The following AGPAT4 variants were observed in gnomAD, a reference collection of about 807,000 sequenced individuals.
The protein encoded by AGPAT4 is 1-acyl-sn-glycerol-3-phosphate acyltransferase delta.
A neutral mutation model predicts 48.0 loss-of-function variants in AGPAT4; 15 were observed. The observed-to-expected ratio is 0.31, with a 90% CI of 0.21 to 0.48. AGPAT4 has a LOEUF of 0.48. Among genes scored for constraint, AGPAT4 ranks in the 20% least tolerant of loss-of-function variants. AGPAT4 has a pLI of 0.99. For synonymous variants in AGPAT4, 178 were observed against 198.7 expected, an observed-to-expected ratio of 0.90 and a Z score of 0.88; for missense variants, 314 against 482.5, an observed-to-expected ratio of 0.65 and a Z score of 3.27.
In AGPAT4 at chr6:161,219,141, A is replaced by G. The variant is rs542160277; in HGVS notation, c.178+12895T>C. On this transcript the variant is annotated intron_variant, in intron 2 of 8. Coordinates refer to ENST00000320285, the MANE Select transcript of AGPAT4 (RefSeq NM_020133.3). The surrounding 1 kb of genome is among the most constrained non-coding windows in gnomAD (Gnocchi z 4.9). The stretch of plus-strand genomic sequence containing the variant: ...TCCTTGCTTTAGAGCTTGTTTTCAT[A>G]AAACTATTTCCCCCTTACTTTAAGT... Among the ~76,000 whole-genome samples the G allele has an allele frequency of 6.6e-6, 1 of 152,308 alleles. No homozygotes were observed. Among genetic ancestry groups the G allele is most frequent in the African/African-American group, 2.4e-5 (1 of 41,562 alleles).
At position 161,217,210 on chromosome 6, in the gene AGPAT4, G is replaced by A. The variant is rs1419511169; in HGVS notation, c.178+14826C>T. On this transcript the variant is annotated intron_variant, in intron 2 of 8. Transcript: ENST00000320285. This position sits in a 1 kb window ranked among gnomAD's most constrained non-coding sequence, Gnocchi z 4.9. Reference sequence around the variant, plus strand: ...AGGACAGGGGAACACCGGAGAACTCGGTCATCCGCTTGGGAGCCAGGGACA... The same window carrying A: ...AGGACAGGGGAACACCGGAGAACTCAGTCATCCGCTTGGGAGCCAGGGACA... 1.3e-5 allele frequency among the ~76,000 whole-genome samples: 2 copies of A among 152,222 alleles called. No individual in the cohort carries two copies. The highest frequency in any genetic ancestry group is 1.5e-5 in the Non-Finnish European group (1 of 68,042).
At chr6:161,241,263 CAAAAAAAAAAA>C (rs61634719) in intron 1 of AGPAT4, among the ~76,000 whole-genome samples, 20 of 90,502 alleles carry the variant, frequency 2.2e-4, no homozygotes, top group African/African-American at 6.2e-4. Context: ...AACTCTGTCT[CAAAAAAAAAAA>C]AAAAAAAAAA....
chr6:161,182,280 C>A (rs1310352272), intron 2 of AGPAT4, among the ~76,000 whole-genome samples: 1 of 149,306 alleles, frequency 6.7e-6, no homozygotes, highest in African/African-American at 2.5e-5. Context: ...CTCATCCCAG[C>A]ACCTCATCCC....
rs1781674380 is a variant in AGPAT4 at position 161,217,284 on chromosome 6, TG to T, written c.178+14751del. On this transcript the variant is annotated intron_variant, in intron 2 of 8. Transcript: ENST00000320285. This position sits in a 1 kb window ranked among gnomAD's most constrained non-coding sequence, Gnocchi z 4.9. ...TGGGTCAGAACTGGGCTCCCATCAATGCCTGGTACATGGTAACAGAAGGTGC... is the reference window on the plus strand; with the variant it reads ...TGGGTCAGAACTGGGCTCCCATCAATCCTGGTACATGGTAACAGAAGGTGC... Among the ~76,000 whole-genome samples the T allele has an allele frequency of 6.6e-6, 1 of 152,184 alleles. No homozygotes were observed. Among genetic ancestry groups the T allele is most frequent in the Non-Finnish European group, 1.5e-5 (1 of 68,030 alleles).
In AGPAT4 at chr6:161,211,583, C is replaced by T. The variant is rs544218675; in HGVS notation, c.178+20453G>A. Among the ~76,000 whole-genome samples the T allele has an allele frequency of 2.0e-3, 300 of 151,908 alleles. 1 individual carries two copies. The highest frequency in any genetic ancestry group is 6.9e-3 in the African/African-American group (287 of 41,438). On this transcript the variant is annotated intron_variant, in intron 2 of 8. Transcript: ENST00000320285. Reference sequence around the variant, plus strand: ...GGACGTTCAGGACAAACTAGAAAGTCCAAGCATGTCATGAACAGTCTGTGT... The same window carrying T: ...GGACGTTCAGGACAAACTAGAAAGTTCAAGCATGTCATGAACAGTCTGTGT...
In AGPAT4 at chr6:161,261,003, C is replaced by T. The variant is rs117955376; in HGVS notation, c.-90+12935G>A. ...GAGTGCACACTGAACCACGTCTTCG[C>T]CTTCTAGAATTTCCTGAGCAGGGCT... On this transcript the variant is annotated intron_variant, in intron 1 of 8. Coordinates refer to ENST00000320285, the MANE Select transcript of AGPAT4 (RefSeq NM_020133.3). The surrounding 1 kb of genome is among the most constrained non-coding windows in gnomAD (Gnocchi z 5.3). 6.6e-6 allele frequency among the ~76,000 whole-genome samples: 1 copy of T among 152,354 alleles called. No individual in the cohort carries two copies. The highest frequency in any genetic ancestry group is 1.9e-4 in the East Asian group (1 of 5,188).
In AGPAT4 at chr6:161,266,776, A is replaced by G. The variant is rs920881589; in HGVS notation, c.-90+7162T>C. ...CTGCTGATGGCTGCAGTATCCTGGG[A>G]AGAAGATGTGCTTGCATAGACAGAT... On this transcript the variant is annotated intron_variant, in intron 1 of 8. Transcript: ENST00000320285. The surrounding 1 kb of genome is among the most constrained non-coding windows in gnomAD (Gnocchi z 6.2). 1.3e-5 allele frequency among the ~76,000 whole-genome samples: 2 copies of G among 152,198 alleles called. No individual in the cohort carries two copies. Among genetic ancestry groups the G allele is most frequent in the Non-Finnish European group, 2.9e-5 (2 of 68,044 alleles).
At position 161,244,924 on chromosome 6, in the gene AGPAT4, A is replaced by C. The variant is rs1782608622; in HGVS notation, c.-89-12622T>G. On this transcript the variant is annotated intron_variant, in intron 1 of 8. Coordinates refer to ENST00000320285, the MANE Select transcript of AGPAT4 (RefSeq NM_020133.3). The surrounding 1 kb of genome is among the most constrained non-coding windows in gnomAD (Gnocchi z 4.7). ...CCCAGTGTCAGAGACAGGCTATCTC[A>C]GAAAACCAAGGAGATGCGAAGTGAT... Among the ~76,000 whole-genome samples the C allele has an allele frequency of 6.6e-6, 1 of 152,244 alleles. No homozygotes were observed. Among genetic ancestry groups the C allele is most frequent in the Admixed American group, 6.5e-5 (1 of 15,288 alleles).
rs1454910809 is a variant in AGPAT4 at position 161,216,160 on chromosome 6, C to CAG, written c.178+15875_178+15876insCT. ...TTCATAGTCTGACAAAGGAGACTAA[C>CAG]ACTCTTAGACACAAATACAAGTTGG... On this transcript the variant is annotated intron_variant, in intron 2 of 8. Transcript: ENST00000320285. The surrounding 1 kb of genome is among the most constrained non-coding windows in gnomAD (Gnocchi z 4.8). Among the ~76,000 whole-genome samples, 1 of 152,238 alleles carries CAG rather than the reference C, an allele frequency of 6.6e-6. No homozygotes were observed. Among genetic ancestry groups the CAG allele is most frequent in the African/African-American group, 2.4e-5 (1 of 41,466 alleles).
chr6:161,249,837 C>A lies in AGPAT4; in HGVS notation c.-89-17535G>T, dbSNP rs1782759108. On this transcript the variant is annotated intron_variant, in intron 1 of 8. Coordinates refer to ENST00000320285, the MANE Select transcript of AGPAT4 (RefSeq NM_020133.3). The surrounding 1 kb of genome is among the most constrained non-coding windows in gnomAD (Gnocchi z 6.2). ...TACACCCAAAGGAATATAAATCGTT[C>A]TATCATAAAGACACATGCACGCTTA... is the stretch of plus-strand genomic sequence containing the variant. Among the ~76,000 whole-genome samples, 1 of 152,176 alleles carries A rather than the reference C, an allele frequency of 6.6e-6. No homozygotes were observed. Among genetic ancestry groups the A allele is most frequent in the South Asian group, 2.1e-4 (1 of 4,820 alleles).
chr6:161,260,801 C>T (rs1367185867), intron 1 of AGPAT4, among the ~76,000 whole-genome samples: 6 of 151,888 alleles, frequency 4.0e-5, no homozygotes, highest in East Asian at 3.9e-4. Context: ...AGGCAGGTGG[C>T]TCACTTGAGC....
rs992380200 is a variant in AGPAT4 at position 161,221,385 on chromosome 6, G to A, written c.178+10651C>T. Among the ~76,000 whole-genome samples, 23 of 152,086 alleles carry A rather than the reference G, an allele frequency of 1.5e-4. No individual in the cohort carries two copies. The highest frequency in any genetic ancestry group is 3.1e-4 in the Non-Finnish European group (21 of 68,026). On this transcript the variant is annotated intron_variant, in intron 2 of 8. Transcript: ENST00000320285. The surrounding 1 kb of genome is among the most constrained non-coding windows in gnomAD (Gnocchi z 4.5). ...GTGGGAAAAAGGATTTCTTGGCCTC[G>A]TCCATGGATAAAAGCAAGGTATTTT...
At chr6:161,227,861 G>C (rs1328661252) in intron 2 of AGPAT4, among the ~76,000 whole-genome samples, 1 of 135,888 alleles carries the variant, frequency 7.4e-6, no homozygotes, top group Non-Finnish European at 1.6e-5. Context: ...CACTCATCAA[G>C]TGTGGGATGC....
chr6:161,165,845 A>T lies in AGPAT4; in HGVS notation c.348+403T>A, dbSNP rs184475489. 3.2e-5 allele frequency: 19 copies of T among 588,884 alleles called. No individual in the cohort carries two copies. The highest frequency in any genetic ancestry group is 9.4e-4 in the Middle Eastern group (2 of 2,124). The allele number at this position is 588,884 out of a possible 1,614,324, so 36.5% of individuals were successfully genotyped here. A position where few individuals can be genotyped will look rare whatever the true frequency, so the allele number is the denominator to read the frequency against. ...AGAGGTGATGTCTGCCTGTTAGCCA[A>T]GGAGGCAGTAGAGCATGGAATTAAG... is the stretch of plus-strand genomic sequence containing the variant. On this transcript the variant is annotated intron_variant, in intron 3 of 8. Coordinates refer to ENST00000320285, the MANE Select transcript of AGPAT4 (RefSeq NM_020133.3). The surrounding 1 kb of genome is among the most constrained non-coding windows in gnomAD (Gnocchi z 5.5).
In AGPAT4 at chr6:161,262,473, C is replaced by CT. The variant is rs375164999; in HGVS notation, c.-90+11464dup. On this transcript the variant is annotated intron_variant, in intron 1 of 8. Coordinates refer to ENST00000320285, the MANE Select transcript of AGPAT4 (RefSeq NM_020133.3). This position sits in a 1 kb window ranked among gnomAD's most constrained non-coding sequence, Gnocchi z 4.9. ...CAGCTGGCTCTATACTAGCTCATTC[C>CT]TTTTTTTTTTCCCCCTCCTCATTAT... 1.2e-3 allele frequency among the ~76,000 whole-genome samples: 179 copies of CT among 149,868 alleles called. 1 individual carries two copies. Among genetic ancestry groups the CT allele is most frequent in the African/African-American group, 3.3e-3 (135 of 40,910 alleles).
intron 3 of AGPAT4, among the ~76,000 whole-genome samples, chr6:161,157,230 C>A (rs1417487661): frequency 1.3e-5 from 2 of 152,236 alleles, no homozygotes; most frequent in African/African-American, 4.8e-5. Flanking sequence ...ATCCCTGTAA[C>A]AATGTCACTT....
Position 161,198,424 on chromosome 6 carries a change from A to G in AGPAT4, c.179-32007T>C, listed in dbSNP as rs1781128154. Among the ~76,000 whole-genome samples the G allele has an allele frequency of 6.6e-6, 1 of 152,258 alleles. No homozygotes were observed. The highest frequency in any genetic ancestry group is 1.5e-5 in the Non-Finnish European group (1 of 68,044). On this transcript the variant is annotated intron_variant, in intron 2 of 8. Transcript: ENST00000320285. The surrounding 1 kb of genome is among the most constrained non-coding windows in gnomAD (Gnocchi z 4.3). ...GTAGGAGCCAGAGATGCTGTTAAGCATCCTACAATGCACAGAACAGCCCCA... is the reference window on the plus strand; with the variant it reads ...GTAGGAGCCAGAGATGCTGTTAAGCGTCCTACAATGCACAGAACAGCCCCA...
rs1031154288 is a variant in AGPAT4 at position 161,249,246 on chromosome 6, A to G, written c.-89-16944T>C. On this transcript the variant is annotated intron_variant, in intron 1 of 8. Coordinates refer to ENST00000320285, the MANE Select transcript of AGPAT4 (RefSeq NM_020133.3). The surrounding 1 kb of genome is among the most constrained non-coding windows in gnomAD (Gnocchi z 6.2). Reference sequence around the variant, plus strand: ...TGACCTAAGCAATACCATTCTGGACATAGGAATGGGCAAAGATTTCATGAC... The same window carrying G: ...TGACCTAAGCAATACCATTCTGGACGTAGGAATGGGCAAAGATTTCATGAC... 4.6e-5 allele frequency among the ~76,000 whole-genome samples: 7 copies of G among 152,326 alleles called. No homozygotes were observed. The highest frequency in any genetic ancestry group is 1.7e-4 in the African/African-American group (7 of 41,566).
chr6:161,146,751 C>G lies in AGPAT4; in HGVS notation c.768-152G>C. 1.4e-6 allele frequency: 1 copy of G among 705,030 alleles called. No homozygotes were observed. Among genetic ancestry groups the G allele is most frequent in the Non-Finnish European group, 2.4e-6 (1 of 419,096 alleles). The allele number at this position is 705,030 out of a possible 1,614,324, so 43.7% of individuals were successfully genotyped here. A position where few individuals can be genotyped will look rare whatever the true frequency, so the allele number is the denominator to read the frequency against. ...TAATGCAAGTGATAGAAAGAAGGGGCGTTCCACATCCACACTGGAGAAACA... is the reference window on the plus strand; with the variant it reads ...TAATGCAAGTGATAGAAAGAAGGGGGGTTCCACATCCACACTGGAGAAACA... On this transcript the variant is annotated intron_variant, in intron 6 of 8. Transcript: ENST00000320285. The surrounding 1 kb of genome is among the most constrained non-coding windows in gnomAD (Gnocchi z 7.1).
Sources: allele counts gnomAD v4.1 joint callset (sites outside exome capture counted in the v4.1 genomes callset), GRCh38; gene constraint gnomAD v4.1.1; non-coding constraint Gnocchi (gnomAD v3.1); transcripts MANE v1.5; gene names NCBI Gene and HGNC (gene_info 2026-07-23, HGNC 2026-07-21).